ARID4B: variants seen among roughly 807,000 people sequenced by gnomAD.
The protein encoded by ARID4B is AT-rich interactive domain-containing protein 4B.
ARID4B carries 26 observed loss-of-function variants against 147.5 expected under a neutral mutation model. The observed-to-expected ratio is 0.18, with a 90% CI of 0.13 to 0.24. ARID4B has a LOEUF of 0.24. Among genes scored for constraint, ARID4B ranks in the 10% least tolerant of loss-of-function variants. ARID4B has a pLI of 1.00. For synonymous variants in ARID4B, 512 were observed against 507.9 expected (o/e 1.01, Z -0.11); for missense variants, 1,179 against 1,511.5 (o/e 0.78, Z 3.65).
At chr1:235,241,085 C>G (rs1357471027) in intron 7 of ARID4B, among the ~76,000 whole-genome samples, 1 of 152,046 alleles carries the variant, frequency 6.6e-6, no homozygotes, top group Non-Finnish European at 1.5e-5. Flanking sequence ...AGATAACTGT[C>G]AGAAGAAAAA....
At chr1:235,282,947 A>AT (rs1001082654) in intron 2 of ARID4B, among the ~76,000 whole-genome samples, 8 of 151,880 alleles carry the variant, frequency 5.3e-5, no homozygotes, top group African/African-American at 1.9e-4. Context: ...CACCTGGCTA[A>AT]TTTTTTGTAT....
chr1:235,277,000 G>GAA (rs751564359), intron 2 of ARID4B, among the ~76,000 whole-genome samples: 3 of 99,492 alleles, frequency 3.0e-5, no homozygotes, highest in Non-Finnish European at 4.3e-5. Flanking sequence ...CACCATCTCC[G>GAA]AAAAAAAAAA....
At chr1:235,263,035 TG>T (rs1406266721) in intron 2 of ARID4B, among the ~76,000 whole-genome samples, 1 of 152,232 alleles carries the variant, frequency 6.6e-6, no homozygotes, top group Non-Finnish European at 1.5e-5. Context: ...CAATTGGTAC[TG>T]GGTATTACTG....
chr1:235,205,921 C>T (rs1221872829), intron 17 of ARID4B, among the ~76,000 whole-genome samples: 2 of 152,022 alleles, frequency 1.3e-5, no homozygotes, highest in African/African-American at 2.4e-5. Flanking sequence ...GAATGTAAAA[C>T]GGTGTCGTCT....
intron 2 of ARID4B, among the ~76,000 whole-genome samples, chr1:235,317,587 T>C (rs1332959185): frequency 3.3e-5 from 5 of 152,244 alleles, no homozygotes; most frequent in African/African-American, 1.2e-4. Flanking sequence ...TTTTATTTTC[T>C]AGTAAACTGT....
chr1:235,288,255 G>A (rs1044506068), intron 2 of ARID4B, among the ~76,000 whole-genome samples: 6 of 152,082 alleles, frequency 3.9e-5, no homozygotes, highest in African/African-American at 4.8e-5. Context: ...ATTGCAGTAA[G>A]CTGAGATTGC....
chr1:235,174,223 TAG>T (rs1360095899), intron 22 of ARID4B, among the ~76,000 whole-genome samples: 1 of 151,820 alleles, frequency 6.6e-6, no homozygotes, highest in Non-Finnish European at 1.5e-5. Flanking sequence ...GTTTTATTAG[TAG>T]AGACAGGGTT....
chr1:235,167,874 A>G lies in ARID4B; in HGVS notation c.*651T>C, dbSNP rs990090432. ...AAAAATGGCAAAGTACAGTAGTTCC[A>G]TTCCAATTTGAAGGGCCATGAAAAG... is the stretch of plus-strand genomic sequence containing the variant. On this transcript the variant is annotated 3_prime_UTR_variant, in exon 24 of 24. Coordinates refer to ENST00000264183, the MANE Select transcript of ARID4B (RefSeq NM_016374.6). The G allele has an allele frequency of 1.0e-5, 2 of 197,242 alleles. No homozygotes were observed. Among genetic ancestry groups the G allele is most frequent in the East Asian group, 1.6e-4 (2 of 12,460 alleles). The allele number at this position is 197,242 out of a possible 1,614,324, so 12.2% of individuals were successfully genotyped here.
intron 2 of ARID4B, among the ~76,000 whole-genome samples, chr1:235,302,007 T>TAAAA (rs1388265929): frequency 6.6e-6 from 1 of 151,394 alleles, no homozygotes; most frequent in Non-Finnish European, 1.5e-5. Flanking sequence ...AACTCTTTTA[T>TAAAA]ATTTTTAGTG....
intron 2 of ARID4B, among the ~76,000 whole-genome samples, chr1:235,289,725 CAAA>C (rs35163064): frequency 8.6e-5 from 8 of 92,936 alleles, no homozygotes; most frequent in Non-Finnish European, 1.0e-4. Context: ...GATTCTGCCT[CAAA>C]AAAAAAAAAA....
intron 2 of ARID4B, among the ~76,000 whole-genome samples, chr1:235,296,738 G>A (rs1349291120): frequency 1.4e-5 from 2 of 138,778 alleles, no homozygotes; most frequent in African/African-American, 5.4e-5. Flanking sequence ...TAGGTTACAG[G>A]AGTGAGCCAC....
At chr1:235,242,973 CTTAT>C (rs1669084557) in intron 7 of ARID4B, among the ~76,000 whole-genome samples, 1 of 152,046 alleles carries the variant, frequency 6.6e-6, no homozygotes. Flanking sequence ...ATATAATTTA[CTTAT>C]TTCTTATGTT....
intron 17 of ARID4B, among the ~76,000 whole-genome samples, chr1:235,201,640 G>C (rs1316242767): frequency 1.3e-5 from 2 of 152,126 alleles, no homozygotes; most frequent in African/African-American, 2.4e-5. Context: ...AATAATCTTA[G>C]TAAGTAAGTT....
chr1:235,258,015 T>C (rs1038227781), intron 3 of ARID4B, among the ~76,000 whole-genome samples: 3 of 152,114 alleles, frequency 2.0e-5, no homozygotes, highest in Admixed American at 2.0e-4. Flanking sequence ...TAGGTATGAC[T>C]GTTCCCATTT....
intron 2 of ARID4B, among the ~76,000 whole-genome samples, chr1:235,316,937 G>A (rs1437946031): frequency 6.6e-6 from 1 of 152,164 alleles, no homozygotes; most frequent in Non-Finnish European, 1.5e-5. Flanking sequence ...AAAGGGAAAT[G>A]CTCACTGGAA....
intron 19 of ARID4B, among the ~76,000 whole-genome samples, chr1:235,189,481 C>T (rs890205134): frequency 2.0e-5 from 3 of 146,626 alleles, no homozygotes; most frequent in Non-Finnish European, 4.5e-5. Flanking sequence ...AAAGACAAAG[C>T]AGATAAAATT....
At chr1:235,174,238 A>G (rs1386890577) in intron 22 of ARID4B, among the ~76,000 whole-genome samples, 1 of 151,634 alleles carries the variant, frequency 6.6e-6, no homozygotes, top group African/African-American at 2.4e-5. Context: ...ACAGGGTTTC[A>G]CCATGCTGGT....
intron 4 of ARID4B, among the ~76,000 whole-genome samples, chr1:235,256,207 CG>C (rs1340713157): frequency 1.3e-5 from 2 of 148,710 alleles, no homozygotes; most frequent in African/African-American, 5.0e-5. Flanking sequence ...GCAGTTTTAC[CG>C]ATCAATATTT....
chr1:235,188,733 A>G (rs1400633759), intron 19 of ARID4B, among the ~76,000 whole-genome samples: 1 of 152,200 alleles, frequency 6.6e-6, no homozygotes, highest in Non-Finnish European at 1.5e-5. Context: ...TTTCTCTGGA[A>G]GCCAACTAGT....
Sources: gnomAD v4.1 joint callset for allele counts (sites outside exome capture counted in the v4.1 genomes callset) on GRCh38, gnomAD v4.1.1 for gene constraint, MANE v1.5 for transcripts, NCBI Gene and HGNC (gene_info 2026-07-23, HGNC 2026-07-21) for gene names.